The following UPB1 variants were observed in gnomAD, a reference collection of about 807,000 sequenced individuals.
UPB1 encodes the protein beta-ureidopropionase.
A neutral mutation model predicts 49.1 loss-of-function variants in UPB1; 40 were observed. The observed-to-expected ratio is 0.81, with a 90% CI of 0.63 to 1.06. The LOEUF is 1.06. UPB1 is among the 50% of genes least tolerant of loss of function. The pLI is 0.00. For missense variants in UPB1, 499 were observed against 505.9 expected, an observed-to-expected ratio of 0.99 and a Z score of 0.13; for synonymous variants, 207 against 198.2, an observed-to-expected ratio of 1.04 and a Z score of -0.38.
rs1328896054 is a variant in UPB1 at position 24,506,038 on chromosome 22, T to C, written c.364+3825T>C. 1.5e-4 allele frequency among the ~76,000 whole-genome samples: 20 copies of C among 136,392 alleles called. No homozygotes were observed. The East Asian group carries it at 2.0e-3, about 14-fold the overall frequency. The allele number at this position is 136,392 out of a possible 152,430, so 89.5% of individuals were successfully genotyped here. A position where few individuals can be genotyped will look rare whatever the true frequency, so the allele number is the denominator to read the frequency against. On this transcript the variant is annotated intron_variant, in intron 3 of 9. Transcript: ENST00000326010. The stretch of plus-strand genomic sequence containing the variant: ...CTAACTGCATTTTTTTTTTTTTTTT[T>C]CAGACGGAATCTTGTTCTGTCACCC...
intron 1 of UPB1, among the ~76,000 whole-genome samples, chr22:24,495,996 T>C (rs2043866824): frequency 6.6e-6 from 1 of 152,156 alleles, no homozygotes. Flanking sequence ...CCATGGGCGC[T>C]GGTTTTTCCA....
At chr22:24,510,701 A>G in intron 3 of UPB1, 48 bp from the exon 4 acceptor site, 1 of 1,591,372 alleles carries the variant, frequency 6.3e-7, no homozygotes, top group Non-Finnish European at 8.6e-7. Flanking sequence ...AGCCCCCCTC[A>G]GAGGCTGTGC....
chr22:24,522,461 G>A (rs1011667608), intron 8 of UPB1, among the ~76,000 whole-genome samples: 5 of 152,174 alleles, frequency 3.3e-5, no homozygotes, highest in Admixed American at 6.5e-5. Flanking sequence ...AGAGTCCATG[G>A]CTTGTTTTGA....
chr22:24,497,295 T>TG (rs1440609460), intron 1 of UPB1, among the ~76,000 whole-genome samples: 1 of 152,076 alleles, frequency 6.6e-6, no homozygotes, highest in Non-Finnish European at 1.5e-5. Flanking sequence ...GGACTAGGGG[T>TG]GGGGTAGAAA....
intron 6 of UPB1, chr22:24,520,020 CAT>C (rs2044359226): frequency 2.9e-6 from 1 of 344,510 alleles, no homozygotes. Flanking sequence ...ATTCAGTCTT[CAT>C]AGTCTTCTTT....
At chr22:24,500,038 T>G in intron 1 of UPB1, 69 bp from the exon 2 acceptor site, 1 of 1,608,622 alleles carries the variant, frequency 6.2e-7, no homozygotes, top group Admixed American at 1.7e-5. Context: ...CTACAAGAAA[T>G]GGGAGAGAGA....
At chr22:24,497,753 T>C (rs2043918799) in intron 1 of UPB1, among the ~76,000 whole-genome samples, 1 of 152,178 alleles carries the variant, frequency 6.6e-6, no homozygotes, top group South Asian at 2.1e-4. Context: ...GATTGATGTT[T>C]TAGTACTTTT....
rs1461726820 is a variant in UPB1, at chr22:24,526,844, C to G, written c.*1050C>G. On this transcript the variant is annotated 3_prime_UTR_variant, in exon 10 of 10. Transcript: ENST00000326010. The stretch of plus-strand genomic sequence containing the variant: ...ACTAGCCATCAGCCATCAGTTTGTG[C>G]CCAGAGTTCCAGCCTGCCCTTTCTG... 1.3e-5 allele frequency: 2 copies of G among 152,258 alleles called. No homozygotes were observed. The highest frequency in any genetic ancestry group is 4.8e-5 in the African/African-American group (2 of 41,542). The allele number at this position is 152,258 out of a possible 1,614,324, so 9.4% of individuals were successfully genotyped here.
chr22:24,515,500 A>C (rs1204504198), intron 6 of UPB1, 130 bp downstream of exon 6: 3 of 1,261,360 alleles, frequency 2.4e-6, no homozygotes, highest in Middle Eastern at 2.6e-4. Flanking sequence ...CTGAGCCCCC[A>C]GGATTGCATG....
chr22:24,523,474 G>A lies in UPB1; in HGVS notation c.917-145G>A. 7.5e-6 allele frequency: 9 copies of A among 1,202,488 alleles called. No individual in the cohort carries two copies. In the South Asian group the frequency reaches 1.1e-4, roughly 15 times the overall value. 74.5% of individuals were successfully genotyped at this position (1,202,488 alleles called of 1,614,324 possible). A position where few individuals can be genotyped will look rare whatever the true frequency, so the allele number is the denominator to read the frequency against. Reference sequence around the variant, plus strand: ...CCTTCAGGCCTGAGATGAGAGACAGGCCTTTTGGGCCTCAGCATTTGGCAG... The same window carrying A: ...CCTTCAGGCCTGAGATGAGAGACAGACCTTTTGGGCCTCAGCATTTGGCAG... On this transcript the variant is annotated intron_variant, in intron 8 of 9. Coordinates refer to ENST00000326010, the MANE Select transcript of UPB1 (RefSeq NM_016327.3).
At position 24,526,240 on chromosome 22, in the gene UPB1, GCTT is replaced by G; in HGVS notation, c.*447_*449del. On this transcript the variant is annotated 3_prime_UTR_variant, in exon 10 of 10. Transcript: ENST00000326010. ...GGTCGGATGGTCTTTGGATGTGTCAGCTTAGCTAGGCCACAGTCACCAGTAATT... is the reference window on the plus strand; with the variant it reads ...GGTCGGATGGTCTTTGGATGTGTCAGAGCTAGGCCACAGTCACCAGTAATT... 6 of 262,426 alleles carry G rather than the reference GCTT, an allele frequency of 2.3e-5. No homozygotes were observed. The highest frequency in any genetic ancestry group is 9.7e-5 in the East Asian group (1 of 10,288). The allele number at this position is 262,426 out of a possible 1,614,324, so 16.3% of individuals were successfully genotyped here. A position where few individuals can be genotyped will look rare whatever the true frequency, so the allele number is the denominator to read the frequency against.
chr22:24,512,568 T>C (rs131455), intron 4 of UPB1, among the ~76,000 whole-genome samples: 9,279 of 152,264 alleles, frequency 0.061, 726 homozygotes, highest in African/African-American at 0.17. Flanking sequence ...TAAAATGTAC[T>C]ATTTTAACCA....
rs201827037 is a variant in UPB1, at chr22:24,520,405, C to T, written c.810C>T (p.Ile270=). 46 of 1,614,150 alleles carry T rather than the reference C, an allele frequency of 2.8e-5. No individual in the cohort carries two copies. The East Asian group carries it at 5.1e-4, about 18-fold the overall frequency. ...CTTACAGCGAGTCCCTGTGGCCCAT[C>T]GAGGCCAGAAACGCAGCCATTGCCA... ...IGALSESLWP[I]EARNAAIANH... Residue 270 remains isoleucine (I), a synonymous_variant, in exon 7 of 10, where the codon ATC becomes ATT. Coordinates refer to ENST00000326010, the MANE Select transcript of UPB1 (RefSeq NM_016327.3).
intron 1 of UPB1, among the ~76,000 whole-genome samples, chr22:24,496,372 A>AACACACACACACACACACACACAC (rs60159909): frequency 7.1e-6 from 1 of 141,526 alleles, no homozygotes; most frequent in African/African-American, 2.7e-5. Flanking sequence ...CCCTGTCTCA[A>AACACACACACACACACACACACAC]ACACACACAC....
At position 24,511,614 on chromosome 22, in the gene UPB1, A is replaced by ATTTTTT. The variant is rs202129656; in HGVS notation, c.459+772_459+773insTTTTTT. Among the ~76,000 whole-genome samples the ATTTTTT allele has an allele frequency of 7.7e-4, 93 of 121,152 alleles. 2 individuals are homozygous for ATTTTTT. Among genetic ancestry groups the ATTTTTT allele is most frequent in the Non-Finnish European group, 1.2e-3 (68 of 59,094 alleles). 79.5% of individuals were successfully genotyped at this position (121,152 alleles called of 152,430 possible). A position where few individuals can be genotyped will look rare whatever the true frequency, so the allele number is the denominator to read the frequency against. Reference sequence around the variant, plus strand: ...CTCTGTGAATTATATATATATATATATATATTTTTTTTTTTTTGAGATGGA... The same window carrying ATTTTTT: ...CTCTGTGAATTATATATATATATATATTTTTTTATATTTTTTTTTTTTTGAGATGGA... On this transcript the variant is annotated intron_variant, in intron 4 of 9. Coordinates refer to ENST00000326010, the MANE Select transcript of UPB1 (RefSeq NM_016327.3).
At chr22:24,508,698 T>G (rs1168971477) in intron 3 of UPB1, among the ~76,000 whole-genome samples, 1 of 151,894 alleles carries the variant, frequency 6.6e-6, no homozygotes, top group African/African-American at 2.4e-5. Flanking sequence ...GCCAACATGA[T>G]GAAAACCCAT....
intron 3 of UPB1, among the ~76,000 whole-genome samples, chr22:24,509,129 AGGCACC>A (rs2044145749): frequency 6.6e-6 from 1 of 152,284 alleles, no homozygotes; most frequent in South Asian, 2.1e-4. Context: ...ACTCACAGTG[AGGCACC>A]GTTCACACCA....
intron 6 of UPB1, chr22:24,516,770 G>T (rs1173960355): frequency 6.6e-6 from 1 of 151,960 alleles, no homozygotes; most frequent in Non-Finnish European, 1.5e-5. Context: ...TGTCACCCAG[G>T]CTGGAGCGCA....
At chr22:24,496,745 A>G (rs1279032058) in intron 1 of UPB1, among the ~76,000 whole-genome samples, 1 of 152,160 alleles carries the variant, frequency 6.6e-6, no homozygotes, top group Non-Finnish European at 1.5e-5. Context: ...GAAAACCTGG[A>G]TATTCAAGGG....
Sources: gnomAD v4.1 joint callset for allele counts (sites outside exome capture counted in the v4.1 genomes callset) on GRCh38, gnomAD v4.1.1 for gene constraint, MANE v1.5 for transcripts, NCBI Gene and HGNC (gene_info 2026-07-23, HGNC 2026-07-21) for gene names.